The following CHRNA5 variants were observed in gnomAD, a reference collection of about 807,000 sequenced individuals.
The protein encoded by CHRNA5 is cholinergic receptor nicotinic alpha 5 subunit, also known as neuronal acetylcholine receptor subunit alpha-5.
Under a neutral mutation model 41.2 loss-of-function variants are expected in CHRNA5, and 28 were observed. The observed-to-expected ratio is 0.68, with a 90% CI of 0.50 to 0.93. CHRNA5 has a LOEUF of 0.93. Among genes scored for constraint, CHRNA5 ranks in the 40% least tolerant of loss-of-function variants. The pLI, the probability that CHRNA5 is intolerant of heterozygous loss-of-function variation, is 0.00. For synonymous variants in CHRNA5, 188 were observed against 205.8 expected, an observed-to-expected ratio of 0.91 and a Z score of 0.74; for missense variants, 481 against 581.9, an observed-to-expected ratio of 0.83 and a Z score of 1.78.
chr15:78,580,268 G>A (rs531379720), intron 1 of CHRNA5, among the ~76,000 whole-genome samples: 1 of 115,260 alleles, frequency 8.7e-6, no homozygotes, highest in African/African-American at 3.7e-5. Context: ...AGACCAGGCA[G>A]GACTCCGTCT....
At chr15:78,577,893 T>C (rs471889) in intron 1 of CHRNA5, among the ~76,000 whole-genome samples, 94,837 of 148,914 alleles carry the variant, frequency 0.64, 30,476 homozygotes, top group Middle Eastern at 0.79. Context: ...ATTGCACCAT[T>C]GCACTCCAGA....
Position 78,588,409 on chromosome 15 carries a change from C to A in CHRNA5, c.399C>A (p.Ile133=). 4 of 1,493,526 alleles carry A rather than the reference C, an allele frequency of 2.7e-6. No individual in the cohort carries two copies. The highest frequency in any genetic ancestry group is 1.3e-5 in the South Asian group (1 of 76,904). The allele number at this position is 1,493,526 out of a possible 1,614,324, so 92.5% of individuals were successfully genotyped here. Residue 133 remains isoleucine (I), a synonymous_variant, in exon 4 of 6, where the codon ATC becomes ATA. Transcript: ENST00000299565. This position sits in a 1 kb window ranked among gnomAD's most constrained non-coding sequence, Gnocchi z 4.1. ...CAGACTCTGTCTGGACACCAGACAT[C>A]GTTTTGTTTGATAAGTAAGTTATAT...
At chr15:78,568,148 CCTGTGGTTTT>C (rs1445492656) in intron 1 of CHRNA5, among the ~76,000 whole-genome samples, 2 of 151,928 alleles carry the variant, frequency 1.3e-5, no homozygotes, top group Non-Finnish European at 2.9e-5. Flanking sequence ...GTAACTTTTC[CCTGTGGTTTT>C]CTGTGAGCCA....
At chr15:78,592,767 ATAAG>A (rs778600404) in intron 5 of CHRNA5, among the ~76,000 whole-genome samples, 1 of 151,940 alleles carries the variant, frequency 6.6e-6, no homozygotes, top group Non-Finnish European at 1.5e-5. Flanking sequence ...CTGGGCAAGA[ATAAG>A]TATATATAGT....
intron 2 of CHRNA5, among the ~76,000 whole-genome samples, chr15:78,582,720 G>A (rs1427284651): frequency 6.6e-6 from 1 of 152,132 alleles, no homozygotes; most frequent in African/African-American, 2.4e-5. Flanking sequence ...GTGGCAGAGA[G>A]GAAAAGTATT....
rs543210727 is a variant in CHRNA5, at chr15:78,580,879, G to A, written c.175G>A (p.Glu59Lys). 2.0e-5 allele frequency: 32 copies of A among 1,613,708 alleles called. 1 individual carries two copies. Among genetic ancestry groups the A allele is most frequent in the Middle Eastern group, 3.3e-4 (2 of 6,060 alleles). ...GCTTAAGGATTTATTTCAAGACTAC[G>A]AAAGATGGGTTCGTCCTGTGGAACA... is the stretch of plus-strand genomic sequence containing the variant. The change falls in exon 2 of 6, where the codon GAA (glutamate) becomes AAA (lysine). Residue 59 changes from glutamate (E) to lysine (K), a missense_variant. Coordinates refer to ENST00000299565, the Ensembl canonical transcript of CHRNA5.
At chr15:78,591,039 A>T (rs2053008144) in intron 5 of CHRNA5, 2 of 185,720 alleles carry the variant, frequency 1.1e-5, no homozygotes, top group Non-Finnish European at 1.1e-5. Flanking sequence ...GATAATCTGT[A>T]GGCAGAACTC....
At chr15:78,567,166 T>A (rs1165010465) in intron 1 of CHRNA5, among the ~76,000 whole-genome samples, 1 of 149,958 alleles carries the variant, frequency 6.7e-6, no homozygotes, top group Non-Finnish European at 1.5e-5. Flanking sequence ...GGCAGGAGAA[T>A]GACGTGAACC....
chr15:78,568,446 G>C (rs1373849090), intron 1 of CHRNA5, among the ~76,000 whole-genome samples: 2 of 150,584 alleles, frequency 1.3e-5, no homozygotes, highest in African/African-American at 2.4e-5. Flanking sequence ...TCTTAGCTGT[G>C]TGACATTTTA....
intron 1 of CHRNA5, 122 bp from the exon 2 acceptor site, chr15:78,580,689 T>C (rs888819629): frequency 2.5e-5 from 16 of 645,386 alleles, no homozygotes; most frequent in Non-Finnish European, 4.1e-5. Flanking sequence ...CAGGTTGGAG[T>C]GCAGTGGCCC....
At chr15:78,583,308 A>G (rs1406297284) in intron 2 of CHRNA5, among the ~76,000 whole-genome samples, 4 of 152,228 alleles carry the variant, frequency 2.6e-5, no homozygotes, top group Admixed American at 1.3e-4. Context: ...AGAAGACCAC[A>G]TACAAGAAGG....
At chr15:78,569,178 C>T (rs963587838) in intron 1 of CHRNA5, among the ~76,000 whole-genome samples, 5 of 152,138 alleles carry the variant, frequency 3.3e-5, no homozygotes, top group African/African-American at 4.8e-5. Context: ...TGATACACTG[C>T]AGATATACCT....
intron 5 of CHRNA5, among the ~76,000 whole-genome samples, chr15:78,592,148 ACT>A (rs1465871366): frequency 6.6e-6 from 1 of 151,998 alleles, no homozygotes; most frequent in African/African-American, 2.4e-5. Flanking sequence ...ATGGTGAAAC[ACT>A]GTCTCTCCTA....
intron 1 of CHRNA5, among the ~76,000 whole-genome samples, chr15:78,573,432 C>A (rs1052259722): frequency 2.6e-5 from 4 of 152,256 alleles, no homozygotes; most frequent in African/African-American, 9.6e-5. Flanking sequence ...AGTTTTTACC[C>A]CAGGAAGACA....
chr15:78,594,232 C>T (rs763715676), exon 6 of CHRNA5: 5 of 152,168 alleles, frequency 3.3e-5, no homozygotes, highest in African/African-American at 4.8e-5. Context: ...CCTGTGGACA[C>T]GCAGTAGCAT....
At chr15:78,585,930 A>G (rs2052957313) in intron 2 of CHRNA5, among the ~76,000 whole-genome samples, 1 of 149,478 alleles carries the variant, frequency 6.7e-6, no homozygotes, top group African/African-American at 2.5e-5. Flanking sequence ...GATTACATGC[A>G]TGTGCCACCA....
intron 1 of CHRNA5, among the ~76,000 whole-genome samples, chr15:78,568,562 C>G (rs1057330108): frequency 6.6e-6 from 1 of 151,994 alleles, no homozygotes; most frequent in African/African-American, 2.4e-5. Context: ...GTTTGCTACA[C>G]CTATCAACCT....
exon 6 of CHRNA5, chr15:78,595,170 T>C (rs1336269675): frequency 3.0e-5 from 13 of 438,736 alleles, no homozygotes; most frequent in Non-Finnish European, 3.9e-5. Flanking sequence ...TGAATTTAGA[T>C]TGCCTGCCAG....
At chr15:78,573,313 T>C (rs2052823720) in intron 1 of CHRNA5, among the ~76,000 whole-genome samples, 1 of 152,234 alleles carries the variant, frequency 6.6e-6, no homozygotes, top group South Asian at 2.1e-4. Context: ...GCTGTTGGAA[T>C]ATGCAGGTGA....
Sources: allele counts gnomAD v4.1 joint callset (sites outside exome capture counted in the v4.1 genomes callset), GRCh38; gene constraint gnomAD v4.1.1; non-coding constraint Gnocchi (gnomAD v3.1); transcripts MANE v1.5; gene names NCBI Gene and HGNC (gene_info 2026-07-23, HGNC 2026-07-21).